Variants in RIT2 observed in about 807,000 individuals in gnomAD.
RIT2 encodes Ras like without CAAX 2.
Under a neutral mutation model 23.7 loss-of-function variants are expected in RIT2, and 24 were observed. The observed-to-expected ratio is 1.01, with a 90% CI of 0.73 to 1.43. The LOEUF is 1.43. RIT2 is among the 40% of genes most tolerant of loss of function. The pLI, the probability that RIT2 is intolerant of heterozygous loss-of-function variation, is 0.00. For missense variants in RIT2, 236 were observed against 266.9 expected, an observed-to-expected ratio of 0.88 and a Z score of 0.81; for synonymous variants, 107 against 91.1, an observed-to-expected ratio of 1.17 and a Z score of -0.99.
intron 4 of RIT2, among the ~76,000 whole-genome samples, chr18:42,906,023 T>C (rs1203702875): frequency 2.4e-4 from 31 of 130,476 alleles, no homozygotes; most frequent in Non-Finnish European, 3.9e-4. Context: ...TATATATATG[T>C]ATATATATAT....
intron 1 of RIT2, among the ~76,000 whole-genome samples, chr18:43,050,127 A>G (rs938257064): frequency 7.9e-5 from 12 of 151,150 alleles, no homozygotes; most frequent in African/African-American, 2.7e-4. Flanking sequence ...CCCTAAGTTA[A>G]GTGATTCTCC....
chr18:43,026,325 G>C (rs772353090), intron 2 of RIT2, among the ~76,000 whole-genome samples: 3 of 152,058 alleles, frequency 2.0e-5, no homozygotes, highest in African/African-American at 7.2e-5. Flanking sequence ...GGAAGCCAAC[G>C]CTGGTGGATC....
chr18:43,061,589 T>C (rs1912646231), intron 1 of RIT2, among the ~76,000 whole-genome samples: 1 of 152,090 alleles, frequency 6.6e-6, no homozygotes, highest in Non-Finnish European at 1.5e-5. Context: ...AATTTTCATT[T>C]CTGTTTTACC....
chr18:42,923,487 G>T, intron 4 of RIT2, 85 bp downstream of exon 4: 1 of 1,093,342 alleles, frequency 9.1e-7, no homozygotes, highest in Non-Finnish European at 1.3e-6. Context: ...ATAATTTTCA[G>T]TGTGAACCTG....
chr18:43,114,172 A>T (rs913964596), intron 1 of RIT2, among the ~76,000 whole-genome samples: 1 of 152,132 alleles, frequency 6.6e-6, no homozygotes, highest in Non-Finnish European at 1.5e-5. Context: ...AGAAGAGATG[A>T]ATAATTTTTT....
At chr18:42,817,612 G>C (rs570678616) in intron 4 of RIT2, among the ~76,000 whole-genome samples, 46 of 152,188 alleles carry the variant, frequency 3.0e-4, no homozygotes, top group African/African-American at 1.1e-3. Flanking sequence ...TTTTTGATGA[G>C]TGTCGCTTAT....
rs559122620 is a variant in RIT2 at position 42,915,178 on chromosome 18, ACACAC to A, written c.426+8389_426+8393del. 9.4e-4 allele frequency among the ~76,000 whole-genome samples: 142 copies of A among 151,664 alleles called. 2 individuals are homozygous for A. The highest frequency in any genetic ancestry group is 3.4e-3 in the African/African-American group (140 of 41,306). On this transcript the variant is annotated intron_variant, in intron 4 of 4. Coordinates refer to ENST00000326695, the MANE Select transcript of RIT2 (RefSeq NM_002930.4). Reference sequence around the variant, plus strand: ...CACACACACACACACACACACACACACACACACCATGCACTTGATTATCGAGTACA... The same window carrying A: ...CACACACACACACACACACACACACAACCATGCACTTGATTATCGAGTACA...
intron 1 of RIT2, among the ~76,000 whole-genome samples, chr18:43,113,324 C>A (rs961132815): frequency 2.0e-5 from 3 of 152,062 alleles, no homozygotes; most frequent in South Asian, 2.1e-4. Context: ...GGTGTAGTAG[C>A]CAAGGTTGCC....
At chr18:43,106,633 C>A (rs1483451148) in intron 1 of RIT2, among the ~76,000 whole-genome samples, 1 of 152,148 alleles carries the variant, frequency 6.6e-6, no homozygotes, top group Non-Finnish European at 1.5e-5. Flanking sequence ...TCCCCCACTC[C>A]CCCTTCGGCT....
At chr18:42,960,141 C>G (rs1281172620) in intron 3 of RIT2, among the ~76,000 whole-genome samples, 1 of 152,156 alleles carries the variant, frequency 6.6e-6, no homozygotes, top group Non-Finnish European at 1.5e-5. Context: ...TAAAGGGCTA[C>G]TTTTCTCGGC....
intron 3 of RIT2, among the ~76,000 whole-genome samples, chr18:42,963,447 G>A (rs16977159): frequency 0.023 from 3,425 of 152,212 alleles, 136 homozygotes; most frequent in African/African-American, 0.079. Flanking sequence ...CTCATTCAAG[G>A]CTTGAGGAAT....
chr18:42,966,440 A>T (rs1159774259), intron 3 of RIT2, among the ~76,000 whole-genome samples: 1 of 152,168 alleles, frequency 6.6e-6, no homozygotes, highest in African/African-American at 2.4e-5. Flanking sequence ...GTATATGTAT[A>T]TTTTCTAATT....
chr18:42,828,296 A>G (rs1364052940), intron 4 of RIT2, among the ~76,000 whole-genome samples: 3 of 152,244 alleles, frequency 2.0e-5, no homozygotes, highest in Non-Finnish European at 4.4e-5. Context: ...TACATTGATC[A>G]TTAAAATGAA....
intron 2 of RIT2, among the ~76,000 whole-genome samples, chr18:42,984,326 T>C (rs1910661635): frequency 6.6e-6 from 1 of 152,082 alleles, no homozygotes; most frequent in South Asian, 2.1e-4. Context: ...TTACAAACTG[T>C]ATGATTCCAC....
At chr18:42,969,592 C>T (rs1273199064) in intron 3 of RIT2, among the ~76,000 whole-genome samples, 1 of 151,460 alleles carries the variant, frequency 6.6e-6, no homozygotes, top group African/African-American at 2.4e-5. Context: ...TCCCATTGTT[C>T]CAGAATGACT....
intron 4 of RIT2, among the ~76,000 whole-genome samples, chr18:42,898,351 AC>A (rs1236316271): frequency 6.6e-6 from 1 of 152,094 alleles, no homozygotes; most frequent in Non-Finnish European, 1.5e-5. Flanking sequence ...CTGAGATTGC[AC>A]CACTGCACTC....
At chr18:43,041,347 A>G (rs1912124112) in intron 1 of RIT2, among the ~76,000 whole-genome samples, 1 of 152,160 alleles carries the variant, frequency 6.6e-6, no homozygotes, top group Non-Finnish European at 1.5e-5. Flanking sequence ...AACTTCTAAA[A>G]TTATTACAGT....
intron 4 of RIT2, among the ~76,000 whole-genome samples, chr18:42,883,503 A>T (rs996031714): frequency 2.0e-5 from 3 of 152,140 alleles, no homozygotes; most frequent in Non-Finnish European, 4.4e-5. Context: ...ACTTTTGCAA[A>T]TTAGTTACTC....
At chr18:42,864,806 G>C (rs920798273) in intron 4 of RIT2, among the ~76,000 whole-genome samples, 1 of 152,142 alleles carries the variant, frequency 6.6e-6, no homozygotes, top group Non-Finnish European at 1.5e-5. Flanking sequence ...CCTCGCCAAG[G>C]CAGGTTAATT....
Sources: allele counts gnomAD v4.1 joint callset (sites outside exome capture counted in the v4.1 genomes callset), GRCh38; gene constraint gnomAD v4.1.1; transcripts MANE v1.5; gene names NCBI Gene and HGNC (gene_info 2026-07-23, HGNC 2026-07-21).